HDAC4: variants seen among roughly 807,000 people sequenced by gnomAD.
The protein encoded by HDAC4 is histone deacetylase 4.
HDAC4 carries 16 observed loss-of-function variants against 135.1 expected under a neutral mutation model. The observed-to-expected ratio is 0.12, with a 90% CI of 0.08 to 0.18. The LOEUF (loss-of-function observed/expected upper bound fraction) is 0.18, where lower values mean the gene tolerates loss of function less well. Ranked by LOEUF, HDAC4 falls within the 10% of genes least tolerant of loss-of-function variation. The pLI, the probability that HDAC4 is intolerant of heterozygous loss-of-function variation, is 1.00. For missense variants in HDAC4, 1,143 were observed against 1,511.8 expected (o/e 0.76, Z 4.05); for synonymous variants, 685 against 653.4 (o/e 1.05, Z -0.74).
chr2:239,054,050 G>C (rs888308542), intron 25 of HDAC4, among the ~76,000 whole-genome samples: 6 of 151,938 alleles, frequency 3.9e-5, no homozygotes, highest in African/African-American at 9.7e-5. Flanking sequence ...GAGGGGTACT[G>C]CGTCAGGCGC....
intron 2 of HDAC4, among the ~76,000 whole-genome samples, chr2:239,237,650 G>A (rs2047961478): frequency 6.6e-6 from 1 of 151,942 alleles, no homozygotes; most frequent in South Asian, 2.1e-4. Context: ...GCATGTCCTT[G>A]GAGATGTTCA....
intron 1 of HDAC4, among the ~76,000 whole-genome samples, chr2:239,357,065 T>C (rs1575743303): frequency 6.6e-6 from 1 of 152,280 alleles, no homozygotes; most frequent in East Asian, 1.9e-4. Context: ...AACGGCTGAA[T>C]ACACGTTATT....
At chr2:239,361,027 AC>A (rs890625642) in intron 1 of HDAC4, among the ~76,000 whole-genome samples, 1 of 151,970 alleles carries the variant, frequency 6.6e-6, no homozygotes, top group African/African-American at 2.4e-5. Context: ...TGATCGCCCC[AC>A]CCCAGACGCT....
chr2:239,148,596 C>T (rs868601934), intron 7 of HDAC4, among the ~76,000 whole-genome samples: 4 of 152,324 alleles, frequency 2.6e-5, no homozygotes, highest in Middle Eastern at 3.4e-3. Flanking sequence ...GCAGGAAACC[C>T]GTCCCAACCA....
intron 24 of HDAC4, among the ~76,000 whole-genome samples, chr2:239,065,508 G>T (rs1202858346): frequency 6.6e-6 from 1 of 152,208 alleles, no homozygotes; most frequent in Non-Finnish European, 1.5e-5. Flanking sequence ...TGGGGGCTGA[G>T]CATCAAATGG....
chr2:239,211,885 C>T (rs879245422), intron 3 of HDAC4, among the ~76,000 whole-genome samples: 2 of 152,172 alleles, frequency 1.3e-5, no homozygotes, highest in East Asian at 1.9e-4. Flanking sequence ...TGGCACCACG[C>T]GCCACCGAGG....
chr2:239,398,477 T>G (rs1696715110), intron 1 of HDAC4, among the ~76,000 whole-genome samples: 1 of 152,176 alleles, frequency 6.6e-6, no homozygotes, highest in East Asian at 1.9e-4. Flanking sequence ...ATAACAAAAT[T>G]AAACTGCAGC....
intron 1 of HDAC4, among the ~76,000 whole-genome samples, chr2:239,376,384 G>T (rs978505955): frequency 1.3e-5 from 2 of 150,296 alleles, no homozygotes; most frequent in African/African-American, 4.9e-5. Flanking sequence ...GTGCCCAGAT[G>T]TGAGGAAGGT....
intron 12 of HDAC4, among the ~76,000 whole-genome samples, chr2:239,120,426 G>C (rs2039566854): frequency 8.2e-6 from 1 of 122,116 alleles, no homozygotes; most frequent in Non-Finnish European, 1.9e-5. Context: ...GACACAGACA[G>C]ATGCACAAAT....
intron 11 of HDAC4, among the ~76,000 whole-genome samples, chr2:239,133,225 T>A (rs2040718740): frequency 6.6e-6 from 1 of 152,056 alleles, no homozygotes; most frequent in South Asian, 2.1e-4. Flanking sequence ...TCCACCAGAC[T>A]AGTCAAGCCA....
At position 239,209,555 on chromosome 2, in the gene HDAC4, A is replaced by G. The variant is rs559686647; in HGVS notation, c.95-19478T>C. Among the ~76,000 whole-genome samples the G allele has an allele frequency of 7.9e-5, 12 of 152,392 alleles. No homozygotes were observed. In the South Asian group the frequency reaches 2.5e-3, roughly 32 times the overall value. On this transcript the variant is annotated intron_variant, in intron 3 of 26. Transcript: ENST00000543185. The stretch of plus-strand genomic sequence containing the variant: ...GTGGATTAAGACTCAAATGTGAAAG[A>G]CAAAATGTTGAAATTTTTAGCAGAC...
intron 12 of HDAC4, among the ~76,000 whole-genome samples, chr2:239,124,365 C>A (rs2039951234): frequency 1.3e-5 from 2 of 152,240 alleles, no homozygotes; most frequent in African/African-American, 2.4e-5. Context: ...GTGAGTCTGT[C>A]TGTTGGGGAC....
rs2030257459 is a variant in HDAC4, at chr2:239,048,310, C to G, written c.*4787G>C. On this transcript the variant is annotated 3_prime_UTR_variant, in exon 27 of 27. Coordinates refer to ENST00000543185, the MANE Select transcript of HDAC4 (RefSeq NM_001378414.1). ...ATTGGTCGGTGAAAATCCACCCACA[C>G]AAAACAAGACAAGAATGAGAAAACC... 1 of 152,308 alleles carries G rather than the reference C, an allele frequency of 6.6e-6. No homozygotes were observed. Among genetic ancestry groups the G allele is most frequent in the Non-Finnish European group, 1.5e-5 (1 of 68,080 alleles). The allele number at this position is 152,308 out of a possible 1,614,324, so 9.4% of individuals were successfully genotyped here.
At chr2:239,261,844 G>A (rs1330821227) in intron 2 of HDAC4, among the ~76,000 whole-genome samples, 2 of 152,170 alleles carry the variant, frequency 1.3e-5, no homozygotes. Context: ...GCCCGGCAGG[G>A]ACACCCCCCA....
intron 11 of HDAC4, among the ~76,000 whole-genome samples, chr2:239,132,268 G>A (rs2040641525): frequency 6.6e-6 from 1 of 152,370 alleles, no homozygotes; most frequent in Non-Finnish European, 1.5e-5. Context: ...CAGAGCATAA[G>A]CGGCTTCCCA....
intron 2 of HDAC4, among the ~76,000 whole-genome samples, chr2:239,278,254 C>T (rs79852597): frequency 2.6e-5 from 4 of 152,092 alleles, no homozygotes; most frequent in Admixed American, 6.5e-5. Context: ...CCTGAGGACC[C>T]TCCAGTGGCA....
chr2:239,221,130 G>T (rs753906365), intron 3 of HDAC4, among the ~76,000 whole-genome samples: 144 of 152,220 alleles, frequency 9.5e-4, no homozygotes, highest in Admixed American at 3.8e-3. Flanking sequence ...CGCCTTAAAT[G>T]ATTCCTCTAC....
intron 5 of HDAC4, 76 bp from the exon 6 acceptor site, chr2:239,163,999 C>A: frequency 6.3e-7 from 1 of 1,577,702 alleles, no homozygotes; most frequent in Non-Finnish European, 8.7e-7. Context: ...AGCGGGGCCA[C>A]AGAGGGAGGG....
chr2:239,096,744 G>A (rs2037134562), intron 16 of HDAC4, among the ~76,000 whole-genome samples: 1 of 121,386 alleles, frequency 8.2e-6, no homozygotes, highest in East Asian at 2.6e-4. Context: ...ACATCCACAC[G>A]GACACCAGCA....
Sources: gnomAD v4.1 joint callset for allele counts (sites outside exome capture counted in the v4.1 genomes callset) on GRCh38, gnomAD v4.1.1 for gene constraint, MANE v1.5 for transcripts, NCBI Gene and HGNC (gene_info 2026-07-23, HGNC 2026-07-21) for gene names.